The following PTPN20 variants were observed in gnomAD, a reference collection of about 807,000 sequenced individuals.
PTPN20 encodes the protein tyrosine-protein phosphatase non-receptor type 20.
PTPN20 carries 9 observed loss-of-function variants against 35.0 expected under a neutral mutation model. The ratio of observed to expected loss-of-function variants is 0.26; its 90% CI spans 0.15 to 0.45. PTPN20 has a LOEUF of 0.45. Ranked by LOEUF, PTPN20 falls within the 20% of genes least tolerant of loss-of-function variation. The pLI is 1.00. For synonymous variants in PTPN20, 32 were observed against 100.2 expected, an observed-to-expected ratio of 0.32 and a Z score of 4.06; for missense variants, 111 against 312.5, an observed-to-expected ratio of 0.36 and a Z score of 4.86.
chr10:46,994,305 T>G (rs2058597530), intron 9 of PTPN20, among the ~76,000 whole-genome samples: 1 of 149,680 alleles, frequency 6.7e-6, no homozygotes, highest in Admixed American at 6.6e-5. Flanking sequence ...TGAATATGTT[T>G]GGTGTTCTCT....
At chr10:46,921,425 ATT>A (rs1349197629) in intron 1 of PTPN20, among the ~76,000 whole-genome samples, 1 of 138,902 alleles carries the variant, frequency 7.2e-6, no homozygotes, top group Non-Finnish European at 1.6e-5. Context: ...TTTATTAGAA[ATT>A]TTCTGTCAGA....
chr10:46,996,635 C>T (rs2137839463), intron 9 of PTPN20, among the ~76,000 whole-genome samples: 1 of 152,152 alleles, frequency 6.6e-6, no homozygotes, highest in South Asian at 2.1e-4. Context: ...ACATTTAAGT[C>T]CATAGTCCAT....
chr10:46,918,637 G>T, intron 1 of PTPN20, among the ~76,000 whole-genome samples: 3 of 137,960 alleles, frequency 2.2e-5, no homozygotes, highest in African/African-American at 9.5e-5. Context: ...CTTTGAATTG[G>T]GAGTTATTTA....
In PTPN20 at chr10:46,938,139, T is replaced by C. The variant is rs2042350112; in HGVS notation, c.35-2484T>C. On this transcript the variant is annotated intron_variant, in intron 2 of 10. Transcript: ENST00000374339. ...CTAATTTTTGTATTTTTAGTAGAGA[T>C]GGGGTTTCACCATGTTTGTCAGGCT... Among the ~76,000 whole-genome samples, 6 of 151,394 alleles carry C rather than the reference T, an allele frequency of 4.0e-5. No individual in the cohort carries two copies. In the South Asian group the frequency reaches 1.3e-3, roughly 32 times the overall value.
chr10:46,991,799 G>A (rs1427432228), intron 9 of PTPN20, among the ~76,000 whole-genome samples: 1 of 151,816 alleles, frequency 6.6e-6, no homozygotes, highest in Non-Finnish European at 1.5e-5. Flanking sequence ...TCTACTCCTA[G>A]CCTGATGGGA....
intron 9 of PTPN20, among the ~76,000 whole-genome samples, chr10:46,992,841 A>G (rs1403479651): frequency 6.6e-5 from 10 of 152,192 alleles, no homozygotes; most frequent in African/African-American, 1.9e-4. Flanking sequence ...CTCTTCTGAG[A>G]GGGCACGTGT....
chr10:46,948,080 T>A (rs1473716007), intron 5 of PTPN20: 1 of 377,036 alleles, frequency 2.7e-6, no homozygotes, highest in African/African-American at 2.1e-5. Context: ...TCTTACTCTT[T>A]GTATTTCAGT....
chr10:46,953,432 G>C (rs1555149011), intron 5 of PTPN20, among the ~76,000 whole-genome samples: 2 of 125,190 alleles, frequency 1.6e-5, no homozygotes. Context: ...CATTCGCTAG[G>C]ACTTTTGGTT....
intron 10 of PTPN20, among the ~76,000 whole-genome samples, chr10:47,000,232 A>G (rs1328874066): frequency 3.3e-5 from 5 of 152,204 alleles, no homozygotes; most frequent in African/African-American, 1.2e-4. Context: ...CCTCGTGTCC[A>G]AACACATGCC....
rs868952674 is a variant in PTPN20 at position 46,997,764 on chromosome 10, G to T, written c.1135-2148G>T. 9.7e-4 allele frequency among the ~76,000 whole-genome samples: 147 copies of T among 152,144 alleles called. 1 individual carries two copies. Among genetic ancestry groups the T allele is most frequent in the African/African-American group, 3.3e-3 (138 of 41,522 alleles). ...AATGGGTAAAAGACATGAACAGACA[G>T]TTCACCAAAGAGAACATACAGATGA... On this transcript the variant is annotated intron_variant, in intron 9 of 10. Transcript: ENST00000374339.
downstream of PTPN20, among the ~76,000 whole-genome samples, chr10:47,002,655 A>T (rs983612190): frequency 2.6e-5 from 4 of 151,954 alleles, no homozygotes; most frequent in Non-Finnish European, 5.9e-5. Context: ...ATTTAAAGGA[A>T]GTTTTAAAAT....
intron 5 of PTPN20, among the ~76,000 whole-genome samples, chr10:46,951,009 A>G (rs1350662042): frequency 8.2e-5 from 12 of 145,508 alleles, no homozygotes; most frequent in Admixed American, 7.4e-4. Flanking sequence ...TTTCTGCAGT[A>G]TATATATTTA....
At chr10:46,925,830 A>G (rs1205830078) in intron 1 of PTPN20, among the ~76,000 whole-genome samples, 4 of 151,780 alleles carry the variant, frequency 2.6e-5, no homozygotes, top group African/African-American at 9.7e-5. Context: ...CATATTGCCC[A>G]TAGCCCTTTT....
chr10:46,981,406 T>C lies in PTPN20; in HGVS notation c.584-2824T>C, dbSNP rs1476623981. ...TTCCACTCACCAAGGCTGACCTGGC[T>C]ACAGCTGCTACTGAGTGTCCAATCT... is the stretch of plus-strand genomic sequence containing the variant. On this transcript the variant is annotated intron_variant, in intron 7 of 10. Transcript: ENST00000374339. The C allele has an allele frequency of 3.4e-5, 5 of 148,360 alleles. No homozygotes were observed. The East Asian group carries it at 8.7e-4, about 26-fold the overall frequency. 9.2% of individuals were successfully genotyped at this position (148,360 alleles called of 1,614,324 possible).
chr10:46,994,535 C>T (rs1012605539), intron 9 of PTPN20, among the ~76,000 whole-genome samples: 3 of 151,738 alleles, frequency 2.0e-5, no homozygotes, highest in Non-Finnish European at 2.9e-5. Context: ...GGGGTTTCAC[C>T]GTGTTAGCCA....
In PTPN20 at chr10:46,940,143, AC is replaced by A. The variant is rs1342353835; in HGVS notation, c.35-479del. 1.4e-3 allele frequency among the ~76,000 whole-genome samples: 213 copies of A among 150,188 alleles called. 1 individual carries two copies. The highest frequency in any genetic ancestry group is 6.4e-4 in the Non-Finnish European group (43 of 67,626). ...GGGATGATTCATATTACATTATTCAACAAAGCCGAAAACAATTTTCTGTATA... is the reference window on the plus strand; with the variant it reads ...GGGATGATTCATATTACATTATTCAAAAAGCCGAAAACAATTTTCTGTATA... On this transcript the variant is annotated intron_variant, in intron 2 of 10. Transcript: ENST00000374339.
intron 1 of PTPN20, among the ~76,000 whole-genome samples, chr10:46,925,039 C>T (rs1160270102): frequency 6.0e-5 from 9 of 150,376 alleles, no homozygotes; most frequent in East Asian, 2.0e-4. Flanking sequence ...GATCACACAC[C>T]GGAAAGACAT....
chr10:46,933,372 T>A (rs1368720649), intron 2 of PTPN20, among the ~76,000 whole-genome samples: 3 of 151,998 alleles, frequency 2.0e-5, no homozygotes, highest in Non-Finnish European at 4.4e-5. Flanking sequence ...TACAATACAG[T>A]ATTGTATGTA....
intron 9 of PTPN20, among the ~76,000 whole-genome samples, chr10:46,988,984 T>C (rs1357139525): frequency 2.1e-5 from 3 of 142,720 alleles, no homozygotes; most frequent in African/African-American, 7.6e-5. Flanking sequence ...ATTAGTTTAT[T>C]AGTTCTTAGA....
Sources: gnomAD v4.1 joint callset for allele counts (sites outside exome capture counted in the v4.1 genomes callset) on GRCh38, gnomAD v4.1.1 for gene constraint, MANE v1.5 for transcripts, NCBI Gene and HGNC (gene_info 2026-07-23, HGNC 2026-07-21) for gene names.